The following SVOP variants were observed in gnomAD, a reference collection of about 807,000 sequenced individuals.
The protein encoded by SVOP is synaptic vesicle 2-related protein.
SVOP carries 17 observed loss-of-function variants against 69.1 expected under a neutral mutation model. The ratio of observed to expected loss-of-function variants is 0.25; its 90% CI spans 0.17 to 0.37. SVOP has a LOEUF of 0.37. Among genes scored for constraint, SVOP ranks in the 10% least tolerant of loss-of-function variants. The probability of loss-of-function intolerance (pLI) is 1.00; values close to 1 mark genes in which losing one functional copy is unlikely to be tolerated. For synonymous variants in SVOP, 238 were observed against 238.6 expected, an observed-to-expected ratio of 1.00 and a Z score of 0.02; for missense variants, 435 against 597.5, an observed-to-expected ratio of 0.73 and a Z score of 2.84.
chr12:108,912,249 A>T lies in SVOP; in HGVS notation c.*286T>A. On this transcript the variant is annotated 3_prime_UTR_variant, in exon 16 of 16. Transcript: ENST00000610966. ...GGGTGGTGTCTGATTGGTTGCTGGC[A>T]TTACCAGACCCTCCTAATATGGGTA... 7.7e-7 allele frequency: 1 copy of T among 1,296,780 alleles called. No individual in the cohort carries two copies. The highest frequency in any genetic ancestry group is 9.8e-7 in the Non-Finnish European group (1 of 1,019,522). 80.3% of individuals were successfully genotyped at this position (1,296,780 alleles called of 1,614,324 possible).
chr12:109,008,577 G>C (rs989729284), intron 1 of SVOP, among the ~76,000 whole-genome samples: 2 of 152,154 alleles, frequency 1.3e-5, no homozygotes, highest in Admixed American at 1.3e-4. Flanking sequence ...CTGGACAAAA[G>C]GTAATGATAA....
intron 1 of SVOP, among the ~76,000 whole-genome samples, chr12:108,998,076 G>A (rs2040246957): frequency 1.3e-5 from 2 of 151,794 alleles, no homozygotes; most frequent in South Asian, 4.2e-4. Flanking sequence ...AAATTTAGAA[G>A]AACGTATAAC....
intron 2 of SVOP, among the ~76,000 whole-genome samples, chr12:108,983,139 CCAT>C (rs1285658302): frequency 4.0e-5 from 6 of 150,658 alleles, no homozygotes; most frequent in Non-Finnish European, 8.9e-5. Context: ...ACTATCACCA[CCAT>C]CATCATCACC....
At chr12:108,959,835 T>C (rs1313092897) in intron 6 of SVOP, among the ~76,000 whole-genome samples, 1 of 152,190 alleles carries the variant, frequency 6.6e-6, no homozygotes, top group Non-Finnish European at 1.5e-5. Flanking sequence ...GGCAGTAAAA[T>C]GCAATGGGTA....
chr12:108,984,131 A>G lies in SVOP; in HGVS notation c.36-370T>C, dbSNP rs1449272334. Among the ~76,000 whole-genome samples the G allele has an allele frequency of 2.0e-5, 3 of 152,322 alleles. No homozygotes were observed. The East Asian group carries it at 5.8e-4, about 29-fold the overall frequency. On this transcript the variant is annotated intron_variant, in intron 1 of 15. Coordinates refer to ENST00000610966, the MANE Select transcript of SVOP (RefSeq NM_018711.5). ...CTAACATTTTGGTCATCTAAAGGTC[A>G]TGTTAGGCCCACAAAAAGTTGCTCA...
intron 11 of SVOP, among the ~76,000 whole-genome samples, chr12:108,932,637 T>G (rs1436380790): frequency 6.6e-6 from 1 of 151,802 alleles, no homozygotes; most frequent in Non-Finnish European, 1.5e-5. Context: ...CAGAGAAACC[T>G]GAAAAACTGA....
At position 108,908,330 on chromosome 12, in the gene SVOP, T is replaced by G. The variant is rs58572248; in HGVS notation, c.*4205A>C. 3,820 of 152,382 alleles carry G rather than the reference T, an allele frequency of 0.025. 135 individuals are homozygous for G. The highest frequency in any genetic ancestry group is 0.078 in the African/African-American group (3,252 of 41,560). The allele number at this position is 152,382 out of a possible 1,614,324, so 9.4% of individuals were successfully genotyped here. ...TTATTCCTATGCAATCTCTCTAAAC[T>G]GTCAGAGTGAACCATCAGCCCATCA... On this transcript the variant is annotated 3_prime_UTR_variant, in exon 16 of 16. Transcript: ENST00000610966.
chr12:108,922,588 A>C, intron 12 of SVOP, 102 bp downstream of exon 12: 2 of 813,510 alleles, frequency 2.5e-6, no homozygotes, highest in Non-Finnish European at 4.1e-6. Flanking sequence ...GCTGACTAAA[A>C]ATGGGATTTG....
At chr12:108,931,111 T>C (rs569888110) in intron 11 of SVOP, among the ~76,000 whole-genome samples, 20 of 152,304 alleles carry the variant, frequency 1.3e-4, no homozygotes, top group African/African-American at 3.8e-4. Flanking sequence ...TACCAAACCC[T>C]GTGATTGACT....
intron 1 of SVOP, among the ~76,000 whole-genome samples, chr12:108,984,128 G>A (rs1214315106): frequency 6.6e-6 from 1 of 152,122 alleles, no homozygotes; most frequent in African/African-American, 2.4e-5. Flanking sequence ...TCATCTAAAG[G>A]TCATGTTAGG....
At chr12:109,007,611 G>A (rs2040316047) in intron 1 of SVOP, among the ~76,000 whole-genome samples, 2 of 152,222 alleles carry the variant, frequency 1.3e-5, no homozygotes, top group Admixed American at 1.3e-4. Context: ...ACAGAGGCAG[G>A]TGTCCCTGTG....
chr12:108,922,659 G>A (rs1455112530), intron 12 of SVOP, 31 bp downstream of exon 12: 3 of 1,529,464 alleles, frequency 2.0e-6, no homozygotes, highest in Non-Finnish European at 2.7e-6. Context: ...AGGCTTGCCT[G>A]ACACAGCTTC....
At chr12:108,997,480 G>A (rs976216864) in intron 1 of SVOP, among the ~76,000 whole-genome samples, 1 of 152,118 alleles carries the variant, frequency 6.6e-6, no homozygotes, top group Non-Finnish European at 1.5e-5. Context: ...AGGCCTGCCT[G>A]CCTCTGTAGG....
intron 1 of SVOP, among the ~76,000 whole-genome samples, chr12:108,997,795 C>T (rs1364005072): frequency 6.6e-6 from 1 of 151,580 alleles, no homozygotes; most frequent in Non-Finnish European, 1.5e-5. Flanking sequence ...GACATTCACA[C>T]CAAAAACCCA....
chr12:108,945,228 C>T (rs367658357), intron 6 of SVOP, 62 bp from the exon 7 acceptor site: 44 of 1,495,956 alleles, frequency 2.9e-5, no homozygotes, highest in Non-Finnish European at 3.7e-5. Context: ...AAATGGCTAC[C>T]GTTTTCTGAA....
Position 108,946,747 on chromosome 12 carries a change from C to T in SVOP, c.579-1581G>A, listed in dbSNP as rs567000479. On this transcript the variant is annotated intron_variant, in intron 6 of 15. Transcript: ENST00000610966. ...TATTATTATTATTTTGAGACAGGGT[C>T]TTACTCTGTCGCTCAGGCTGGAGTG... is the stretch of plus-strand genomic sequence containing the variant. Among the ~76,000 whole-genome samples the T allele has an allele frequency of 4.9e-4, 73 of 149,824 alleles. 1 individual carries two copies. Among genetic ancestry groups the T allele is most frequent in the African/African-American group, 1.7e-3 (68 of 40,852 alleles).
intron 5 of SVOP, among the ~76,000 whole-genome samples, chr12:108,965,754 A>C (rs752419864): frequency 1.6e-4 from 25 of 152,180 alleles, no homozygotes; most frequent in Non-Finnish European, 3.5e-4. Context: ...CGTTCAACCG[A>C]AGGACAGTAT....
At chr12:108,924,075 C>T (rs968734002) in intron 11 of SVOP, among the ~76,000 whole-genome samples, 1 of 152,086 alleles carries the variant, frequency 6.6e-6, no homozygotes, top group African/African-American at 2.4e-5. Context: ...TTAGTGTCTT[C>T]ATTAAAGAGG....
At chr12:108,989,798 A>G (rs1048250999) in intron 1 of SVOP, among the ~76,000 whole-genome samples, 5 of 152,232 alleles carry the variant, frequency 3.3e-5, no homozygotes, top group African/African-American at 1.2e-4. Flanking sequence ...ATTAATTGTA[A>G]AGCACGAGAC....
Sources: gnomAD v4.1 joint callset for allele counts (sites outside exome capture counted in the v4.1 genomes callset) on GRCh38, gnomAD v4.1.1 for gene constraint, MANE v1.5 for transcripts, NCBI Gene and HGNC (gene_info 2026-07-23, HGNC 2026-07-21) for gene names.